The following RORA variants were observed in gnomAD, a reference collection of about 807,000 sequenced individuals.
RORA encodes nuclear receptor ROR-alpha.
Under a neutral mutation model 69.5 loss-of-function variants are expected in RORA, and 7 were observed. The observed-to-expected ratio is 0.10, with a 90% CI of 0.06 to 0.19. The LOEUF is 0.19. Among genes scored for constraint, RORA ranks in the 10% least tolerant of loss-of-function variants. RORA has a pLI of 1.00. For missense variants in RORA, 457 were observed against 663.0 expected (o/e 0.69, Z 3.41); for synonymous variants, 261 against 240.8 (o/e 1.08, Z -0.78).
intron 1 of RORA, among the ~76,000 whole-genome samples, chr15:60,931,377 T>C (rs1228932345): frequency 6.6e-6 from 1 of 152,192 alleles, no homozygotes; most frequent in East Asian, 1.9e-4. Flanking sequence ...CTCACTCCTC[T>C]GGCTCCATGG....
chr15:61,210,873 C>T (rs1415723655), intron 1 of RORA, among the ~76,000 whole-genome samples: 1 of 152,228 alleles, frequency 6.6e-6, no homozygotes, highest in African/African-American at 2.4e-5. Flanking sequence ...CCTTCACCAA[C>T]AGCTATGATT....
chr15:60,786,414 T>A (rs1238318621), intron 1 of RORA, among the ~76,000 whole-genome samples: 1 of 152,246 alleles, frequency 6.6e-6, no homozygotes, highest in East Asian at 1.9e-4. Context: ...CAAAGAGTCT[T>A]GAGCCTCGCT....
intron 1 of RORA, among the ~76,000 whole-genome samples, chr15:60,941,236 C>T (rs986808506): frequency 1.3e-5 from 2 of 152,178 alleles, no homozygotes; most frequent in Non-Finnish European, 2.9e-5. Context: ...CAAGCTGGGT[C>T]TAAAAGGCAC....
intron 1 of RORA, among the ~76,000 whole-genome samples, chr15:60,996,309 T>C (rs998358054): frequency 6.6e-6 from 1 of 152,094 alleles, no homozygotes; most frequent in Non-Finnish European, 1.5e-5. Context: ...TGACCTCAAG[T>C]GTTCTGCCTG....
In RORA at chr15:61,063,194, C is replaced by T. The variant is rs978584811; in HGVS notation, c.166+165859G>A. Reference sequence around the variant, plus strand: ...CCTTGGAGACTCAATAATATCTGAACCCTTCACGGCGTGGAGCTGCTGATG... The same window carrying T: ...CCTTGGAGACTCAATAATATCTGAATCCTTCACGGCGTGGAGCTGCTGATG... On this transcript the variant is annotated intron_variant, in intron 1 of 10. Coordinates refer to ENST00000335670, the MANE Select transcript of RORA (RefSeq NM_134261.3). Among the ~76,000 whole-genome samples, 16 of 152,308 alleles carry T rather than the reference C, an allele frequency of 1.1e-4. No individual in the cohort carries two copies. In the South Asian group the frequency reaches 3.3e-3, roughly 32 times the overall value.
chr15:60,862,520 A>G (rs929836320), intron 1 of RORA, among the ~76,000 whole-genome samples: 1 of 152,252 alleles, frequency 6.6e-6, no homozygotes, highest in Non-Finnish European at 1.5e-5. Context: ...CACTGTAGAA[A>G]AGTGTTGAAA....
At chr15:60,869,900 A>T (rs1717997513) in intron 1 of RORA, among the ~76,000 whole-genome samples, 1 of 152,210 alleles carries the variant, frequency 6.6e-6, no homozygotes, top group African/African-American at 2.4e-5. Context: ...CAGAGGAGGC[A>T]ACTTGACTAG....
intron 1 of RORA, among the ~76,000 whole-genome samples, chr15:61,024,602 C>T (rs1895707083): frequency 6.6e-6 from 1 of 151,942 alleles, no homozygotes; most frequent in South Asian, 2.1e-4. Context: ...AGGCATGCAC[C>T]ACCACGCCCA....
intron 1 of RORA, among the ~76,000 whole-genome samples, chr15:60,752,189 G>C (rs2071733934): frequency 6.6e-6 from 1 of 152,196 alleles, no homozygotes; most frequent in South Asian, 2.1e-4. Flanking sequence ...AGAGAGAAGC[G>C]TCTTAGAGCA....
intron 1 of RORA, among the ~76,000 whole-genome samples, chr15:61,024,317 C>A (rs1045016648): frequency 1.7e-5 from 2 of 119,230 alleles, no homozygotes. Context: ...TGCTCTGGTG[C>A]CAAGTGCCCA....
chr15:60,990,685 A>AC lies in RORA; in HGVS notation c.166+238367dup, dbSNP rs373433533. 4.4e-3 allele frequency among the ~76,000 whole-genome samples: 666 copies of AC among 152,332 alleles called. 8 individuals carry two copies. The highest frequency in any genetic ancestry group is 0.015 in the African/African-American group (636 of 41,580). ...CAATTACAAAGTCATTTCCTCACAC[A>AC]CTGTGTATGCACACACACACACATC... On this transcript the variant is annotated intron_variant, in intron 1 of 10. Coordinates refer to ENST00000335670, the MANE Select transcript of RORA (RefSeq NM_134261.3).
chr15:60,947,541 G>A (rs1403386368), intron 1 of RORA, among the ~76,000 whole-genome samples: 2 of 151,150 alleles, frequency 1.3e-5, no homozygotes, highest in African/African-American at 2.4e-5. Flanking sequence ...AGTACCCAGG[G>A]ACACAAACAC....
intron 1 of RORA, among the ~76,000 whole-genome samples, chr15:60,913,838 T>G (rs1891798033): frequency 6.6e-6 from 1 of 152,234 alleles, no homozygotes; most frequent in African/African-American, 2.4e-5. Context: ...ATATGCATGC[T>G]GCTTTGTCTT....
At chr15:60,566,883 T>C (rs555691269) in intron 2 of RORA, among the ~76,000 whole-genome samples, 1 of 152,182 alleles carries the variant, frequency 6.6e-6, no homozygotes, top group African/African-American at 2.4e-5. Context: ...GGATGGAAAG[T>C]GGGTAGCCAG....
chr15:61,107,789 T>C (rs1175312343), intron 1 of RORA, among the ~76,000 whole-genome samples: 2 of 151,980 alleles, frequency 1.3e-5, no homozygotes, highest in Non-Finnish European at 2.9e-5. Context: ...CTCTCCCTTA[T>C]TGCAATTTAA....
chr15:60,570,128 A>G (rs1303212216), intron 2 of RORA, among the ~76,000 whole-genome samples: 1 of 152,210 alleles, frequency 6.6e-6, no homozygotes, highest in East Asian at 1.9e-4. Flanking sequence ...AAGAGAGAAG[A>G]TAGCCGATCA....
intron 2 of RORA, among the ~76,000 whole-genome samples, chr15:60,615,815 C>G (rs2140602393): frequency 6.6e-6 from 1 of 152,326 alleles, no homozygotes; most frequent in South Asian, 2.1e-4. Flanking sequence ...GCCCTGCTGC[C>G]TGAAACCCCT....
chr15:60,635,366 GA>G (rs1329189430), intron 2 of RORA, among the ~76,000 whole-genome samples: 1 of 152,164 alleles, frequency 6.6e-6, no homozygotes, highest in East Asian at 1.9e-4. Flanking sequence ...GGAGAAGGGA[GA>G]AAGGGGGAGA....
At chr15:60,856,884 G>C (rs2073385942) in intron 1 of RORA, among the ~76,000 whole-genome samples, 1 of 152,224 alleles carries the variant, frequency 6.6e-6, no homozygotes, top group Non-Finnish European at 1.5e-5. Context: ...GCTCAGAAGA[G>C]AGATTCACCA....
Sources: gnomAD v4.1 joint callset for allele counts (sites outside exome capture counted in the v4.1 genomes callset) on GRCh38, gnomAD v4.1.1 for gene constraint, MANE v1.5 for transcripts, NCBI Gene and HGNC (gene_info 2026-07-23, HGNC 2026-07-21) for gene names.